Variants in RABGAP1 observed in about 807,000 individuals in gnomAD.
The protein encoded by RABGAP1 is RAB GTPase activating protein 1.
RABGAP1 carries 23 observed loss-of-function variants against 137.6 expected under a neutral mutation model. The observed-to-expected ratio is 0.17, with a 90% CI of 0.12 to 0.24. RABGAP1 has a LOEUF of 0.24. Among genes scored for constraint, RABGAP1 ranks in the 10% least tolerant of loss-of-function variants. The pLI is 1.00. For synonymous variants in RABGAP1, 451 were observed against 450.7 expected, an observed-to-expected ratio of 1.00 and a Z score of -0.01; for missense variants, 906 against 1,275.8, an observed-to-expected ratio of 0.71 and a Z score of 4.42.
intron 2 of RABGAP1, among the ~76,000 whole-genome samples, chr9:122,979,963 G>A (rs1835961534): frequency 1.3e-5 from 2 of 152,230 alleles, no homozygotes; most frequent in South Asian, 4.1e-4. Flanking sequence ...TCTGCTATAA[G>A]AAGTCTGGAG....
chr9:123,025,139 GATAACCAGTTGTGCT>G (rs1452296950), intron 13 of RABGAP1, among the ~76,000 whole-genome samples: 1 of 152,130 alleles, frequency 6.6e-6, no homozygotes, highest in Non-Finnish European at 1.5e-5. Flanking sequence ...CTTCCAGATG[GATAACCAGTTGTGCT>G]ACTCCTATTT....
intron 2 of RABGAP1, among the ~76,000 whole-genome samples, chr9:122,978,260 A>G (rs963384077): frequency 1.3e-5 from 2 of 152,176 alleles, no homozygotes; most frequent in Non-Finnish European, 2.9e-5. Flanking sequence ...AGGTAAATGG[A>G]GTCATACAGT....
chr9:123,070,418 T>C lies in RABGAP1; in HGVS notation c.1977T>C (p.Leu659=). 1 of 1,614,110 alleles carries C rather than the reference T, an allele frequency of 6.2e-7. No individual in the cohort carries two copies. The highest frequency in any genetic ancestry group is 1.1e-5 in the South Asian group (1 of 91,078). ...QGQSFLAAVL[L]LHMPEEQAFS... ...AGTCATTTCTTGCTGCTGTGCTCCTTCTCCATGTGAGTAATTAGGTCTCTG... is the reference window on the plus strand; with the variant it reads ...AGTCATTTCTTGCTGCTGTGCTCCTCCTCCATGTGAGTAATTAGGTCTCTG... The change falls in exon 15 of 26, where the codon CTT becomes CTC. Residue 659 remains leucine (L), a synonymous_variant. Coordinates refer to ENST00000373647, the MANE Select transcript of RABGAP1 (RefSeq NM_012197.4). This position sits in a 1 kb window ranked among gnomAD's most constrained non-coding sequence, Gnocchi z 4.4.
At chr9:123,101,504 C>T (rs1449810872) in intron 24 of RABGAP1, 62 bp from the exon 25 acceptor site, 14 of 1,481,698 alleles carry the variant, frequency 9.4e-6, no homozygotes, top group Non-Finnish European at 1.3e-5. Context: ...AGGAGATGCT[C>T]ACACCATCCT....
At chr9:123,019,046 C>A (rs1327836696) in intron 12 of RABGAP1, among the ~76,000 whole-genome samples, 1 of 152,204 alleles carries the variant, frequency 6.6e-6, no homozygotes, top group Non-Finnish European at 1.5e-5. Context: ...CCATCTACCT[C>A]AGATGGTTGT....
At chr9:123,051,308 C>T (rs1164777793) in intron 13 of RABGAP1, among the ~76,000 whole-genome samples, 2 of 130,172 alleles carry the variant, frequency 1.5e-5, no homozygotes, top group Non-Finnish European at 3.2e-5. Flanking sequence ...AGTGCAATGG[C>T]GCGATCTTGG....
At chr9:122,943,729 G>T (rs1252555739) in intron 1 of RABGAP1, among the ~76,000 whole-genome samples, 1 of 152,118 alleles carries the variant, frequency 6.6e-6, no homozygotes, top group East Asian at 1.9e-4. Context: ...CAAGGCAGGC[G>T]GATAACAAGG....
At chr9:123,073,289 T>C (rs2034414262) in intron 15 of RABGAP1, among the ~76,000 whole-genome samples, 1 of 152,200 alleles carries the variant, frequency 6.6e-6, no homozygotes, top group South Asian at 2.1e-4. Flanking sequence ...CTAATTCCTA[T>C]TACAGTTATT....
chr9:123,013,529 A>C (rs1186303616), intron 11 of RABGAP1, among the ~76,000 whole-genome samples: 1 of 152,048 alleles, frequency 6.6e-6, no homozygotes, highest in East Asian at 1.9e-4. Context: ...ATGGGGTTTC[A>C]CCAGGTTGGC....
At chr9:122,980,716 C>T (rs964099098) in intron 2 of RABGAP1, among the ~76,000 whole-genome samples, 3 of 152,116 alleles carry the variant, frequency 2.0e-5, no homozygotes, top group South Asian at 2.1e-4. Context: ...TGCAATTAGT[C>T]GTTTTATCAT....
In RABGAP1 at chr9:123,097,800, T is replaced by G. The variant is rs144252035; in HGVS notation, c.2688T>G (p.Ile896Met). ...KELLMTKQKLIDAEEEKRRLE... is the reference protein window; with the variant it reads ...KELLMTKQKLMDAEEEKRRLE... Reference sequence around the variant, plus strand: ...TGCTGATGACCAAACAGAAGTTGATTGATGCAGAAGAAGAGAAAAGACGGC... The same window carrying G: ...TGCTGATGACCAAACAGAAGTTGATGGATGCAGAAGAAGAGAAAAGACGGC... Residue 896 changes from isoleucine (I) to methionine (M), a missense_variant, in exon 22 of 26, where the codon ATT (isoleucine) becomes ATG (methionine). Ile to Met is a conservative substitution (Grantham distance 10). Coordinates refer to ENST00000373647, the MANE Select transcript of RABGAP1 (RefSeq NM_012197.4). 20 of 1,614,006 alleles carry G rather than the reference T, an allele frequency of 1.2e-5. No individual in the cohort carries two copies. Among genetic ancestry groups the G allele is most frequent in the Non-Finnish European group, 1.6e-5 (19 of 1,179,982 alleles).
chr9:123,042,657 G>T (rs1158426541), intron 13 of RABGAP1, among the ~76,000 whole-genome samples: 1 of 152,120 alleles, frequency 6.6e-6, no homozygotes, highest in Admixed American at 6.5e-5. Context: ...AAGGCAGAGA[G>T]ACAGAAAATA....
chr9:122,973,673 C>T (rs1051078531), intron 2 of RABGAP1, among the ~76,000 whole-genome samples: 1 of 152,074 alleles, frequency 6.6e-6, no homozygotes, highest in Non-Finnish European at 1.5e-5. Flanking sequence ...TCAGTAATGC[C>T]GAAACTAATC....
intron 2 of RABGAP1, among the ~76,000 whole-genome samples, chr9:122,982,087 A>G (rs1836097704): frequency 6.6e-6 from 1 of 152,072 alleles, no homozygotes; most frequent in Admixed American, 6.6e-5. Flanking sequence ...ATACTGTCAC[A>G]GGTAGTAATT....
At chr9:122,942,665 G>A (rs541298051) in intron 1 of RABGAP1, among the ~76,000 whole-genome samples, 137 of 11,600 alleles carry the variant, frequency 0.012, no homozygotes, top group Non-Finnish European at 0.067. Flanking sequence ...GCGAGACTCC[G>A]TCTCAAAAAA....
intron 10 of RABGAP1, among the ~76,000 whole-genome samples, chr9:123,007,974 T>C (rs1007065925): frequency 1.3e-5 from 2 of 149,892 alleles, no homozygotes; most frequent in African/African-American, 4.9e-5. Context: ...TTAAATTATA[T>C]GTATAATTTA....
intron 13 of RABGAP1, among the ~76,000 whole-genome samples, chr9:123,031,375 T>C (rs796117969): frequency 1.3e-5 from 2 of 152,306 alleles, no homozygotes; most frequent in African/African-American, 4.8e-5. Flanking sequence ...GTAATCTGAT[T>C]TGGCTGGAGG....
intron 11 of RABGAP1, among the ~76,000 whole-genome samples, chr9:123,010,806 T>C (rs2030740677): frequency 1.3e-5 from 2 of 152,214 alleles, no homozygotes; most frequent in African/African-American, 2.4e-5. Context: ...AGCACATTTT[T>C]TTTTAGAACA....
intron 15 of RABGAP1, chr9:123,071,353 A>G (rs2034350641): frequency 6.6e-6 from 1 of 152,186 alleles, no homozygotes; most frequent in Non-Finnish European, 1.5e-5. Flanking sequence ...AAAAATTCAG[A>G]CAAATTGTCA....
Sources: allele counts gnomAD v4.1 joint callset (sites outside exome capture counted in the v4.1 genomes callset), GRCh38; gene constraint gnomAD v4.1.1; non-coding constraint Gnocchi (gnomAD v3.1); transcripts MANE v1.5; gene names NCBI Gene and HGNC (gene_info 2026-07-23, HGNC 2026-07-21).